DTNB: variants seen among roughly 807,000 people sequenced by gnomAD.
The protein encoded by DTNB is DTN-B.
Under a neutral mutation model 90.7 loss-of-function variants are expected in DTNB, and 63 were observed. The observed-to-expected ratio is 0.69, with a 90% CI of 0.57 to 0.86. The LOEUF is 0.86. Among genes scored for constraint, DTNB ranks in the 40% least tolerant of loss-of-function variants. DTNB has a pLI of 0.00. For synonymous variants in DTNB, 277 were observed against 286.7 expected, an observed-to-expected ratio of 0.97 and a Z score of 0.34; for missense variants, 744 against 807.1, an observed-to-expected ratio of 0.92 and a Z score of 0.95.
rs149568126 is a variant in DTNB at position 25,593,249 on chromosome 2, T to TG, written c.603+2836dup. On this transcript the variant is annotated intron_variant, in intron 6 of 20. Coordinates refer to ENST00000406818, the MANE Select transcript of DTNB (RefSeq NM_021907.5). ...TGTTCAGCCCAGAACATCAAAATGC[T>TG]GGGGGAAAGTGCATATGAAAAAACA... Among the ~76,000 whole-genome samples the TG allele has an allele frequency of 6.8e-4, 104 of 152,334 alleles. 1 individual carries two copies. In the East Asian group the frequency reaches 0.016, roughly 23 times the overall value.
intron 4 of DTNB, among the ~76,000 whole-genome samples, chr2:25,611,674 G>A (rs1391472606): frequency 1.3e-5 from 2 of 152,072 alleles, no homozygotes; most frequent in South Asian, 2.1e-4. Context: ...GGATCCTATC[G>A]ACTTCTAAAG....
At position 25,655,101 on chromosome 2, in the gene DTNB, G is replaced by A. The variant is rs549343268; in HGVS notation, c.-1-2440C>T. Reference sequence around the variant, plus strand: ...CTAACTGTCCAGTTTCTAGTTGCCAGCATCTGCATTTCTTTGCCTGAAGAC... The same window carrying A: ...CTAACTGTCCAGTTTCTAGTTGCCAACATCTGCATTTCTTTGCCTGAAGAC... On this transcript the variant is annotated intron_variant, in intron 1 of 20. Coordinates refer to ENST00000406818, the MANE Select transcript of DTNB (RefSeq NM_021907.5). Among the ~76,000 whole-genome samples, 67 of 152,346 alleles carry A rather than the reference G, an allele frequency of 4.4e-4. No individual in the cohort carries two copies. In the South Asian group the frequency reaches 0.01, roughly 23 times the overall value.
chr2:25,632,777 T>G (rs964582176), intron 3 of DTNB, among the ~76,000 whole-genome samples: 1 of 152,166 alleles, frequency 6.6e-6, no homozygotes, highest in Admixed American at 6.6e-5. Flanking sequence ...AATCACCCAG[T>G]TTCAGGTACT....
chr2:25,591,858 C>A (rs1284032506), intron 6 of DTNB, among the ~76,000 whole-genome samples: 1 of 151,818 alleles, frequency 6.6e-6, no homozygotes, highest in Non-Finnish European at 1.5e-5. Flanking sequence ...ATCAGGAGGT[C>A]GAGATCAGCC....
At chr2:25,630,179 C>T (rs533616346) in intron 3 of DTNB, among the ~76,000 whole-genome samples, 1 of 152,164 alleles carries the variant, frequency 6.6e-6, no homozygotes, top group Admixed American at 6.5e-5. Context: ...AAGAAAACTA[C>T]GATAACATAC....
intron 16 of DTNB, among the ~76,000 whole-genome samples, chr2:25,412,518 C>T (rs1050806366): frequency 1.3e-5 from 2 of 152,184 alleles, no homozygotes; most frequent in African/African-American, 4.8e-5. Flanking sequence ...CCTATCCTTA[C>T]ATAACTTTTA....
chr2:25,537,059 T>C (rs2079991839), intron 8 of DTNB, among the ~76,000 whole-genome samples: 1 of 152,190 alleles, frequency 6.6e-6, no homozygotes, highest in Non-Finnish European at 1.5e-5. Context: ...CAATTTTTAA[T>C]TTGTTTGTCC....
chr2:25,390,493 G>A (rs1573729653), intron 16 of DTNB, among the ~76,000 whole-genome samples: 1 of 151,452 alleles, frequency 6.6e-6, no homozygotes, highest in Non-Finnish European at 1.5e-5. Flanking sequence ...ACCCAGGCTG[G>A]AGTGAAGTGG....
intron 8 of DTNB, among the ~76,000 whole-genome samples, chr2:25,544,563 A>C (rs2151048690): frequency 6.6e-6 from 1 of 152,322 alleles, no homozygotes; most frequent in Middle Eastern, 3.4e-3. Flanking sequence ...AGGGGATCTA[A>C]GCAGAAAAAT....
chr2:25,475,158 A>G (rs574582879), intron 10 of DTNB, among the ~76,000 whole-genome samples: 1 of 152,372 alleles, frequency 6.6e-6, no homozygotes, highest in Admixed American at 6.5e-5. Context: ...AAGCATGTCG[A>G]AAGCCAACAC....
chr2:25,620,828 G>C (rs1295588241), intron 4 of DTNB, among the ~76,000 whole-genome samples: 8 of 151,984 alleles, frequency 5.3e-5, no homozygotes, highest in Non-Finnish European at 1.0e-4. Context: ...AAAATAAATA[G>C]CCTGTTCACA....
intron 9 of DTNB, among the ~76,000 whole-genome samples, chr2:25,526,486 CT>C (rs2077219127): frequency 6.7e-6 from 1 of 149,600 alleles, no homozygotes; most frequent in Non-Finnish European, 1.5e-5. Context: ...ACCTCTGCCT[CT>C]CAAGTTCAAG....
intron 8 of DTNB, among the ~76,000 whole-genome samples, chr2:25,545,350 C>G (rs1303288872): frequency 6.6e-6 from 1 of 152,172 alleles, no homozygotes; most frequent in Non-Finnish European, 1.5e-5. Flanking sequence ...TTTTCCCTCA[C>G]AGTAGATTGT....
chr2:25,646,419 C>A (rs958993266), intron 2 of DTNB, among the ~76,000 whole-genome samples: 4 of 151,976 alleles, frequency 2.6e-5, no homozygotes, highest in African/African-American at 9.7e-5. Context: ...TTGCAGTGAG[C>A]CGAGATCATG....
At chr2:25,580,861 T>A in intron 6 of DTNB, 35 bp from the exon 7 acceptor site, 1 of 1,565,170 alleles carries the variant, frequency 6.4e-7, no homozygotes, top group Non-Finnish European at 8.7e-7. Flanking sequence ...TACTTTAAGT[T>A]TTTTAGGAAT....
At chr2:25,548,430 CTGT>C (rs1432016298) in intron 8 of DTNB, among the ~76,000 whole-genome samples, 1 of 142,454 alleles carries the variant, frequency 7.0e-6, no homozygotes, top group Non-Finnish European at 1.5e-5. Flanking sequence ...TTTTTCCTTT[CTGT>C]TGTTAATTTC....
At chr2:25,585,915 C>T (rs998047674) in intron 6 of DTNB, among the ~76,000 whole-genome samples, 22 of 152,202 alleles carry the variant, frequency 1.4e-4, no homozygotes, top group African/African-American at 5.3e-4. Flanking sequence ...AATTTCCCCA[C>T]ATCACAGATT....
At chr2:25,447,257 C>T (rs929969776) in intron 12 of DTNB, among the ~76,000 whole-genome samples, 5 of 152,312 alleles carry the variant, frequency 3.3e-5, no homozygotes, top group African/African-American at 1.2e-4. Context: ...AGTGGGAGCA[C>T]TGTTAGGTCT....
At position 25,387,377 on chromosome 2, in the gene DTNB, A is replaced by G; in HGVS notation, c.1737T>C (p.Gly579=). The G allele has an allele frequency of 6.2e-7, 1 of 1,611,450 alleles. No homozygotes were observed. ...GGDVQEAFAQ[G]TRRNLRNDLL... ...GGTCATTGCGGAGGTTTCTCCTCGTACCTGAGGAGAGGCAGAGCAGATGGG... is the reference window on the plus strand; with the variant it reads ...GGTCATTGCGGAGGTTTCTCCTCGTGCCTGAGGAGAGGCAGAGCAGATGGG... The change falls in exon 18 of 21, where the codon GGT becomes GGC. Residue 579 remains glycine, a splice_region_variant and synonymous_variant. Transcript: ENST00000406818. This position sits in a 1 kb window ranked among gnomAD's most constrained non-coding sequence, Gnocchi z 4.5.
Sources: allele counts gnomAD v4.1 joint callset (sites outside exome capture counted in the v4.1 genomes callset), GRCh38; gene constraint gnomAD v4.1.1; non-coding constraint Gnocchi (gnomAD v3.1); transcripts MANE v1.5; gene names NCBI Gene and HGNC (gene_info 2026-07-23, HGNC 2026-07-21).